Variants in RYR2 observed in about 807,000 individuals in gnomAD.
The protein encoded by RYR2 is ryanodine receptor 2, also known as cardiac muscle ryanodine receptor-calcium release channel.
In RYR2, 227 loss-of-function variants were observed where a neutral mutation model predicts 601.1. That is an observed-to-expected ratio of 0.38 (90% CI 0.34 to 0.42). RYR2 has a LOEUF of 0.42. RYR2 is among the 10% of genes least tolerant of loss of function. RYR2 has a pLI of 1.00. For synonymous variants in RYR2, 2,223 were observed against 2,175.1 expected (o/e 1.02, Z -0.61); for missense variants, 4,646 against 6,156.5 (o/e 0.75, Z 8.21).
At chr1:237,446,126 T>A (rs919815251) in intron 14 of RYR2, among the ~76,000 whole-genome samples, 28 of 152,198 alleles carry the variant, frequency 1.8e-4, no homozygotes, top group African/African-American at 5.3e-4. Flanking sequence ...AGTTCCTTTT[T>A]CAATGAGGGC....
At chr1:237,277,378 C>G (rs2149369603) in intron 2 of RYR2, among the ~76,000 whole-genome samples, 1 of 152,282 alleles carries the variant, frequency 6.6e-6, no homozygotes, top group Non-Finnish European at 1.5e-5. Flanking sequence ...CAATACATGC[C>G]TGTGTTGGAG....
At chr1:237,239,524 G>A (rs1022269026) in intron 1 of RYR2, among the ~76,000 whole-genome samples, 16 of 152,236 alleles carry the variant, frequency 1.1e-4, no homozygotes, top group South Asian at 4.1e-4. Context: ...ATGTAGATGG[G>A]TTTTCTACCT....
At chr1:237,091,237 A>G (rs1325854271) in intron 1 of RYR2, among the ~76,000 whole-genome samples, 1 of 152,198 alleles carries the variant, frequency 6.6e-6, no homozygotes, top group African/African-American at 2.4e-5. Context: ...CAGCTCTTAC[A>G]GCGTGAACTT....
chr1:237,207,612 G>A (rs1681964715), intron 1 of RYR2, among the ~76,000 whole-genome samples: 1 of 152,190 alleles, frequency 6.6e-6, no homozygotes, highest in Admixed American at 6.5e-5. Flanking sequence ...CATGCAGTAA[G>A]AAGCCCTCAC....
intron 35 of RYR2, among the ~76,000 whole-genome samples, chr1:237,605,687 TCTC>T (rs1323923730): frequency 2.3e-4 from 35 of 151,634 alleles, no homozygotes; most frequent in African/African-American, 8.2e-4. Context: ...CAGCCCAAAA[TCTC>T]CTTAAGCTGA....
chr1:237,753,416 T>C (rs902680329), intron 80 of RYR2, among the ~76,000 whole-genome samples: 6 of 152,210 alleles, frequency 3.9e-5, no homozygotes, highest in African/African-American at 1.4e-4. Flanking sequence ...TGAAATAATA[T>C]TAGCAATGTT....
chr1:237,714,971 G>A (rs971008555), intron 71 of RYR2, among the ~76,000 whole-genome samples: 8 of 133,372 alleles, frequency 6.0e-5, no homozygotes, highest in Non-Finnish European at 1.2e-4. Flanking sequence ...CCAGCCTGGT[G>A]ACAGAGCGAG....
chr1:237,141,331 T>C (rs919565662), intron 1 of RYR2, among the ~76,000 whole-genome samples: 1 of 152,204 alleles, frequency 6.6e-6, no homozygotes, highest in African/African-American at 2.4e-5. Context: ...AATCTTCTTA[T>C]TCCTTGTTTG....
intron 1 of RYR2, among the ~76,000 whole-genome samples, chr1:237,049,002 G>T (rs1421369345): frequency 1.3e-5 from 2 of 152,192 alleles, no homozygotes; most frequent in East Asian, 1.9e-4. Context: ...CAGAAGAGTA[G>T]GAGTGTTGGT....
intron 73 of RYR2, among the ~76,000 whole-genome samples, chr1:237,721,926 A>G (rs1001960433): frequency 6.6e-6 from 1 of 152,198 alleles, no homozygotes; most frequent in Non-Finnish European, 1.5e-5. Context: ...GACTTATAAT[A>G]ATGTTTCTAA....
At position 237,708,919 on chromosome 1, in the gene RYR2, G is replaced by A. The variant is rs199730192; in HGVS notation, c.9963G>A (p.Pro3321=). The change falls in exon 69 of 105, where the codon CCG becomes CCA. Residue 3321 remains proline (P), a synonymous_variant. Coordinates refer to ENST00000366574, the MANE Select transcript of RYR2 (RefSeq NM_001035.3). ...KPQLLKTHFL[P]LMEKLKKKAA... ...AGCTCTTGAAAACTCATTTCTTGCC[G>A]TTAATGGAGAAACTCAAGAAAAAGG... is the stretch of plus-strand genomic sequence containing the variant. 427 of 1,611,798 alleles carry A rather than the reference G, an allele frequency of 2.6e-4. 1 individual carries two copies. Among genetic ancestry groups the A allele is most frequent in the Non-Finnish European group, 3.5e-4 (416 of 1,178,474 alleles).
intron 14 of RYR2, among the ~76,000 whole-genome samples, chr1:237,452,762 T>A (rs545165849): frequency 6.6e-6 from 1 of 151,600 alleles, no homozygotes; most frequent in African/African-American, 2.4e-5. Flanking sequence ...GATTTCTGGA[T>A]GATTTTTTTT....
intron 16 of RYR2, among the ~76,000 whole-genome samples, chr1:237,459,478 T>C (rs555972702): frequency 6.6e-6 from 1 of 152,316 alleles, no homozygotes; most frequent in East Asian, 1.9e-4. Context: ...GAAAGAACAT[T>C]GTTTTTTAGG....
intron 1 of RYR2, among the ~76,000 whole-genome samples, chr1:237,193,709 A>G (rs1259066810): frequency 6.6e-6 from 1 of 152,180 alleles, no homozygotes; most frequent in Non-Finnish European, 1.5e-5. Context: ...TTATTTTCCA[A>G]AAACTCTGGA....
chr1:237,788,001 G>GA lies in RYR2; in HGVS notation c.13347dup (p.Glu4450ArgfsTer72). 1 of 1,593,864 alleles carries GA rather than the reference G, an allele frequency of 6.3e-7. No homozygotes were observed. Among genetic ancestry groups the GA allele is most frequent in the Non-Finnish European group, 8.6e-7 (1 of 1,169,238 alleles). On this transcript the variant is annotated frameshift_variant, in exon 92 of 105. Coordinates refer to ENST00000366574, the MANE Select transcript of RYR2 (RefSeq NM_001035.3). LOFTEE classifies it high-confidence loss of function. ...TTGTTTTCATAGGGGAGAAGATGGA[G>GA]AAAAAGAAGAGAAAGCCAAGGAAGA...
chr1:237,552,400 G>A (rs1173403494), intron 27 of RYR2, among the ~76,000 whole-genome samples: 1 of 152,040 alleles, frequency 6.6e-6, no homozygotes, highest in Non-Finnish European at 1.5e-5. Flanking sequence ...TTTTTAAATT[G>A]AATAGAAATT....
At position 237,700,346 on chromosome 1, in the gene RYR2, C is replaced by T. The variant is rs1409285303; in HGVS notation, c.9246C>T (p.His3082=). ...MENLKQGQFT[H]TRNQPKGVTQ... Reference sequence around the variant, plus strand: ...ACCTCAAGCAGGGCCAGTTCACTCACACCCGAAACCAGCCCAAAGGGGTTA... The same window carrying T: ...ACCTCAAGCAGGGCCAGTTCACTCATACCCGAAACCAGCCCAAAGGGGTTA... Residue 3082 remains histidine, a synonymous_variant, in exon 65 of 105, where the codon CAC becomes CAT. Transcript: ENST00000366574. 2 of 1,602,252 alleles carry T rather than the reference C, an allele frequency of 1.2e-6. No homozygotes were observed. The highest frequency in any genetic ancestry group is 1.3e-5 in the African/African-American group (1 of 74,748).
intron 1 of RYR2, among the ~76,000 whole-genome samples, chr1:237,127,830 G>A (rs1243266948): frequency 6.6e-6 from 1 of 151,670 alleles, no homozygotes; most frequent in Non-Finnish European, 1.5e-5. Flanking sequence ...ATAGGATGGC[G>A]GCTGGGCAGA....
At chr1:237,393,957 A>G (rs1482904669) in intron 10 of RYR2, among the ~76,000 whole-genome samples, 1 of 152,188 alleles carries the variant, frequency 6.6e-6, no homozygotes, top group African/African-American at 2.4e-5. Context: ...GAGCTGTTGG[A>G]TCTTGGCAAA....
Sources: allele counts gnomAD v4.1 joint callset (sites outside exome capture counted in the v4.1 genomes callset), GRCh38; gene constraint gnomAD v4.1.1; transcripts MANE v1.5; gene names NCBI Gene and HGNC (gene_info 2026-07-23, HGNC 2026-07-21).